ARSL: variants seen among roughly 807,000 people sequenced by gnomAD.
ARSL encodes arylsulfatase E (chondrodysplasia punctata 1).
ARSL carries 4 observed loss-of-function variants against 31.1 expected under a neutral mutation model. That is an observed-to-expected ratio of 0.13 (90% confidence interval 0.06 to 0.29). The LOEUF is 0.29. Among genes scored for constraint, ARSL ranks in the 10% least tolerant of loss-of-function variants. ARSL has a pLI of 1.00. For missense variants in ARSL, 312 were observed against 497.8 expected (o/e 0.63, Z 3.55); for synonymous variants, 198 against 209.9 (o/e 0.94, Z 0.49).
intron 1 of ARSL, among the ~76,000 whole-genome samples, chrX:2,963,710 ATT>A (rs374694100): frequency 2.1e-5 from 2 of 95,808 alleles, no homozygotes; most frequent in African/African-American, 3.8e-5. Context: ...CTGGCTATTG[ATT>A]TTTTTTTTTT....
chrX:2,967,570 G>A (rs943659524), upstream of ARSL, among the ~76,000 whole-genome samples: 1 of 111,636 alleles, frequency 9.0e-6, no homozygotes, highest in Non-Finnish European at 1.9e-5. Flanking sequence ...AACACGGCAA[G>A]ATCCTGTCTG....
intron 2 of ARSL, 31 bp downstream of exon 2, chrX:2,960,344 AGAC>A (rs2089606850): frequency 1.2e-6 from 1 of 835,730 alleles, no homozygotes. Flanking sequence ...GAAAGAAAGG[AGAC>A]TACTAATGAG....
chrX:2,942,923 A>G lies in ARSL; in HGVS notation c.1126+142T>C, dbSNP rs1265045738. ...ACAAAAATTCAAACTGGAGTATGTC[A>G]AATTACCACTTTTGCCCTGGATAGG... On this transcript the variant is annotated intron_variant, in intron 8 of 10. Transcript: ENST00000381134. 7 of 878,965 alleles carry G rather than the reference A, an allele frequency of 8.0e-6. No individual in the cohort carries two copies. In the East Asian group the frequency reaches 1.9e-4, roughly 24 times the overall value. The allele number at this position is 878,965 out of a possible 1,213,427, so 72.4% of individuals were successfully genotyped here. A position where few individuals can be genotyped will look rare whatever the true frequency, so the allele number is the denominator to read the frequency against.
chrX:2,954,241 G>A (rs964750413), intron 4 of ARSL, among the ~76,000 whole-genome samples: 89 of 111,066 alleles, frequency 8.0e-4, no homozygotes, highest in African/African-American at 2.9e-3. Context: ...GGTAGCCACT[G>A]ATAAAATTTT....
At chrX:2,965,442 A>G (rs1182895163), upstream of ARSL, among the ~76,000 whole-genome samples, 1 of 110,020 alleles carries the variant, frequency 9.1e-6, no homozygotes, top group Non-Finnish European at 1.9e-5. Flanking sequence ...CGGAGGTTAC[A>G]GTGAGGCAAG....
chrX:2,956,121 G>A lies in ARSL; in HGVS notation c.186-584C>T, dbSNP rs1211212335. On this transcript the variant is annotated intron_variant, in intron 3 of 10. Transcript: ENST00000381134. Reference sequence around the variant, plus strand: ...CTGAGAGACCGACCTCAGAGGGAATGCAGAACTGAGAGCCCAGGGCACCTT... The same window carrying A: ...CTGAGAGACCGACCTCAGAGGGAATACAGAACTGAGAGCCCAGGGCACCTT... Among the ~76,000 whole-genome samples the A allele has an allele frequency of 3.6e-5, 4 of 112,157 alleles. No individual in the cohort carries two copies. The East Asian group carries it at 8.4e-4, about 24-fold the overall frequency.
Position 2,949,488 on chromosome X carries a change from A to T in ARSL, c.670T>A (p.Trp224Arg). 2 of 1,211,358 alleles carry T rather than the reference A, an allele frequency of 1.7e-6. No individual in the cohort carries two copies. The highest frequency in any genetic ancestry group is 3.5e-5 in the South Asian group (2 of 56,853). The part of the protein sequence containing the change: ...GKLTHLIPVS[W>R]MPVIWSALSA... ...AGGGCTGACCAGATGACCGGCATCC[A>T]CGAGACGGGTATCAGGTGTGTGAGC... Residue 224 changes from tryptophan to arginine, a missense_variant, in exon 6 of 11, where the codon TGG becomes AGG. By Grantham distance (101) the Trp-to-Arg change is moderately radical. Coordinates refer to ENST00000381134, the MANE Select transcript of ARSL (RefSeq NM_000047.3).
intron 1 of ARSL, among the ~76,000 whole-genome samples, chrX:2,961,267 G>C (rs138286947): frequency 2.6e-4 from 29 of 111,452 alleles, no homozygotes; most frequent in African/African-American, 8.5e-4. Context: ...CCAGGGTGTA[G>C]AGCAGGAAAG....
upstream of ARSL, among the ~76,000 whole-genome samples, chrX:2,965,528 CATAAG>C (rs1239647732): frequency 7.1e-5 from 7 of 98,171 alleles, no homozygotes; most frequent in Non-Finnish European, 1.5e-4. Context: ...TAATAATAAA[CATAAG>C]ATAAAAAGAA....
upstream of ARSL, chrX:2,964,521 G>A (rs2089681572): frequency 1.4e-6 from 1 of 730,177 alleles, no homozygotes. Flanking sequence ...TTTGCCATGT[G>A]GCCTAGGCTG....
intron 2 of ARSL, chrX:2,959,708 T>G: frequency 8.7e-7 from 1 of 1,147,411 alleles, no homozygotes. Flanking sequence ...CATGCTTCAT[T>G]CTCCAGATGC....
At chrX:2,966,796 TAC>T (rs1304024781), upstream of ARSL, among the ~76,000 whole-genome samples, 1 of 109,146 alleles carries the variant, frequency 9.2e-6, no homozygotes, top group African/African-American at 3.4e-5. Context: ...TACATATAAA[TAC>T]ATGTTATAAT....
chrX:2,958,998 A>G (rs889829310), intron 2 of ARSL, among the ~76,000 whole-genome samples: 3 of 112,000 alleles, frequency 2.7e-5, no homozygotes, highest in African/African-American at 9.7e-5. Flanking sequence ...GCAACAAGAA[A>G]AAGCAAAAAC....
chrX:2,960,962 G>C (rs892936721), intron 1 of ARSL, among the ~76,000 whole-genome samples: 32 of 110,619 alleles, frequency 2.9e-4, no homozygotes, highest in Non-Finnish European at 5.7e-5. Context: ...CTCATGCCTG[G>C]AATCCCAGCA....
chrX:2,959,991 C>G (rs750358014), intron 2 of ARSL: 7 of 221,610 alleles, frequency 3.2e-5, no homozygotes, highest in Non-Finnish European at 4.8e-5. Flanking sequence ...GAAAAGAGGC[C>G]GGGCGCGGTG....
At chrX:2,956,019 G>A (rs1301086631) in intron 3 of ARSL, among the ~76,000 whole-genome samples, 2 of 112,130 alleles carry the variant, frequency 1.8e-5, no homozygotes, top group Non-Finnish European at 3.8e-5. Flanking sequence ...CTGGGTGACA[G>A]AGAGACAACC....
chrX:2,950,420 G>A (rs1168777230), intron 5 of ARSL, among the ~76,000 whole-genome samples: 1 of 111,778 alleles, frequency 8.9e-6, no homozygotes, highest in African/African-American at 3.3e-5. Flanking sequence ...GAGGTCATTA[G>A]TTTGGGCACT....
At chrX:2,942,563 A>G (rs1432564755) in intron 8 of ARSL, among the ~76,000 whole-genome samples, 1 of 111,456 alleles carries the variant, frequency 9.0e-6, no homozygotes, top group Non-Finnish European at 1.9e-5. Flanking sequence ...AAGTGCTGGG[A>G]TTACAGGCAT....
At chrX:2,963,106 A>T (rs898802536) in intron 1 of ARSL, among the ~76,000 whole-genome samples, 13 of 112,370 alleles carry the variant, frequency 1.2e-4, no homozygotes, top group Admixed American at 6.7e-4. Flanking sequence ...TTTGTTTAGA[A>T]CACAGAAGGA....
Sources: gnomAD v4.1 joint callset for allele counts (sites outside exome capture counted in the v4.1 genomes callset) on GRCh38, gnomAD v4.1.1 for gene constraint, MANE v1.5 for transcripts, NCBI Gene and HGNC (gene_info 2026-07-23, HGNC 2026-07-21) for gene names.